The following PRKG1 variants were observed in gnomAD, a reference collection of about 807,000 sequenced individuals.
The protein encoded by PRKG1 is cGMP-dependent protein kinase 1.
Under a neutral mutation model 88.1 loss-of-function variants are expected in PRKG1, and 35 were observed. That is an observed-to-expected ratio of 0.40 (90% confidence interval 0.30 to 0.53). PRKG1 has a LOEUF of 0.53. PRKG1 is among the 20% of genes least tolerant of loss of function. The probability of loss-of-function intolerance (pLI) is 0.59; values close to 1 mark genes in which losing one functional copy is unlikely to be tolerated. For missense variants in PRKG1, 540 were observed against 839.8 expected (o/e 0.64, Z 4.41); for synonymous variants, 303 against 292.5 (o/e 1.04, Z -0.37).
At chr10:51,257,718 A>G (rs1839601581) in intron 2 of PRKG1, among the ~76,000 whole-genome samples, 1 of 152,070 alleles carries the variant, frequency 6.6e-6, no homozygotes, top group Non-Finnish European at 1.5e-5. Flanking sequence ...AGTTCTGAGT[A>G]ACTACCAGGA....
At chr10:51,991,572 T>G (rs1222184254) in intron 5 of PRKG1, among the ~76,000 whole-genome samples, 1 of 152,150 alleles carries the variant, frequency 6.6e-6, no homozygotes, top group Admixed American at 6.6e-5. Context: ...GATGTTCCCC[T>G]TCCTGGGTCC....
chr10:51,662,866 A>G (rs528936846), intron 3 of PRKG1, among the ~76,000 whole-genome samples: 32 of 152,124 alleles, frequency 2.1e-4, no homozygotes, highest in African/African-American at 6.7e-4. Context: ...GGAGTTAGTG[A>G]ATAGTGTACT....
At chr10:51,117,880 C>G (rs907931759) in intron 1 of PRKG1, among the ~76,000 whole-genome samples, 12 of 152,168 alleles carry the variant, frequency 7.9e-5, no homozygotes, top group Non-Finnish European at 1.8e-4. Context: ...AAAAATGAGT[C>G]AAGAACATCT....
At chr10:52,001,475 T>C (rs1589504063) in intron 5 of PRKG1, among the ~76,000 whole-genome samples, 1 of 151,960 alleles carries the variant, frequency 6.6e-6, no homozygotes. Context: ...ATCCTAAACA[T>C]ATACAACTTT....
At chr10:51,356,991 C>T (rs1274065487) in intron 2 of PRKG1, among the ~76,000 whole-genome samples, 2 of 151,958 alleles carry the variant, frequency 1.3e-5, no homozygotes, top group African/African-American at 4.8e-5. Context: ...GGTGGACTCT[C>T]CGTAAGTGGT....
intron 3 of PRKG1, among the ~76,000 whole-genome samples, chr10:51,646,019 C>T (rs1032685784): frequency 1.3e-5 from 2 of 151,962 alleles, no homozygotes; most frequent in South Asian, 2.1e-4. Context: ...TCCAAAAAAT[C>T]CTGTTGGGGT....
chr10:51,999,146 G>A (rs1289747634), intron 5 of PRKG1, among the ~76,000 whole-genome samples: 1 of 152,176 alleles, frequency 6.6e-6, no homozygotes, highest in Non-Finnish European at 1.5e-5. Context: ...ATATGTGGGA[G>A]ATTAAAAAGC....
intron 4 of PRKG1, among the ~76,000 whole-genome samples, chr10:51,839,417 A>G (rs867510043): frequency 6.6e-6 from 1 of 152,162 alleles, no homozygotes; most frequent in African/African-American, 2.4e-5. Flanking sequence ...GAAACATTTA[A>G]TTCAGTGATT....
At chr10:51,613,607 T>C (rs977673867) in intron 3 of PRKG1, among the ~76,000 whole-genome samples, 1 of 151,694 alleles carries the variant, frequency 6.6e-6, no homozygotes, top group Non-Finnish European at 1.5e-5. Context: ...TTTTTCTACT[T>C]TCTTGATTCA....
Position 51,796,773 on chromosome 10 carries a change from G to A in PRKG1, c.593-7812G>A, listed in dbSNP as rs2132594662. Among the ~76,000 whole-genome samples the A allele has an allele frequency of 1.3e-5, 2 of 152,190 alleles. 1 individual carries two copies. Among genetic ancestry groups the A allele is most frequent in the Middle Eastern group, 6.8e-3 (2 of 294 alleles). On this transcript the variant is annotated intron_variant, in intron 3 of 17. Transcript: ENST00000373980. ...GATCCACTCTCACCAGTGTGAGCAG[G>A]CATCATTCCTTCTGCTGAAGACCTA...
chr10:51,846,205 T>G (rs78325860), intron 4 of PRKG1, among the ~76,000 whole-genome samples: 344 of 152,256 alleles, frequency 2.3e-3, no homozygotes, highest in African/African-American at 7.9e-3. Flanking sequence ...TGGTTCTCCA[T>G]CCCTTCGTAG....
At chr10:51,969,829 G>T (rs1262121015) in intron 5 of PRKG1, among the ~76,000 whole-genome samples, 3 of 151,802 alleles carry the variant, frequency 2.0e-5, no homozygotes, top group African/African-American at 7.3e-5. Flanking sequence ...ATACAAATTA[G>T]CACCATTTCT....
chr10:51,593,522 A>G (rs1838364481), intron 3 of PRKG1, among the ~76,000 whole-genome samples: 1 of 152,076 alleles, frequency 6.6e-6, no homozygotes, highest in Non-Finnish European at 1.5e-5. Context: ...GATTGAATAG[A>G]TTTGGAAGAG....
intron 3 of PRKG1, among the ~76,000 whole-genome samples, chr10:51,560,571 A>C (rs1192781089): frequency 6.6e-6 from 1 of 152,070 alleles, no homozygotes; most frequent in African/African-American, 2.4e-5. Flanking sequence ...CCCCATGCCC[A>C]GTTTTCCCTA....
At chr10:51,913,153 G>T (rs4382850) in intron 5 of PRKG1, among the ~76,000 whole-genome samples, 82,095 of 151,974 alleles carry the variant, frequency 0.54, 22,808 homozygotes, top group African/African-American at 0.66. Context: ...GGTCTTGAAC[G>T]CCTGACCTCA....
At chr10:52,018,969 T>G (rs1239205248) in intron 5 of PRKG1, among the ~76,000 whole-genome samples, 1 of 54,356 alleles carries the variant, frequency 1.8e-5, no homozygotes, top group Admixed American at 1.9e-4. Flanking sequence ...GGATAATTTA[T>G]GAAGAAAAGG....
chr10:51,567,341 T>C (rs1258749903), intron 3 of PRKG1, among the ~76,000 whole-genome samples: 1 of 152,064 alleles, frequency 6.6e-6, no homozygotes, highest in African/African-American at 2.4e-5. Context: ...TGCTGGTCCC[T>C]GGGACCTTTC....
intron 4 of PRKG1, among the ~76,000 whole-genome samples, chr10:51,809,383 C>T (rs1297930423): frequency 1.3e-5 from 2 of 151,990 alleles, no homozygotes; most frequent in Non-Finnish European, 2.9e-5. Context: ...CATTTTCTGT[C>T]ATCTTTGGCT....
chr10:51,083,473 A>G (rs1793861523), intron 1 of PRKG1, among the ~76,000 whole-genome samples: 1 of 150,658 alleles, frequency 6.6e-6, no homozygotes, highest in Non-Finnish European at 1.5e-5. Context: ...CTGGGCTTGT[A>G]GCGTCTCTCT....
Sources: gnomAD v4.1 joint callset for allele counts (sites outside exome capture counted in the v4.1 genomes callset) on GRCh38, gnomAD v4.1.1 for gene constraint, MANE v1.5 for transcripts, NCBI Gene and HGNC (gene_info 2026-07-23, HGNC 2026-07-21) for gene names.